The following DLGAP2 variants were observed in gnomAD, a reference collection of about 807,000 sequenced individuals.
The protein encoded by DLGAP2 is disks large-associated protein 2.
DLGAP2 carries 26 observed loss-of-function variants against 100.3 expected under a neutral mutation model. That is an observed-to-expected ratio of 0.26 (90% CI 0.19 to 0.36). The LOEUF (loss-of-function observed/expected upper bound fraction) is 0.36. DLGAP2 is among the 10% of genes least tolerant of loss of function. The probability of loss-of-function intolerance (pLI) is 1.00; values close to 1 mark genes in which losing one functional copy is unlikely to be tolerated. For missense variants in DLGAP2, 1,858 were observed against 1,453.2 expected, an observed-to-expected ratio of 1.28 and a Z score of -4.53; for synonymous variants, 886 against 630.1, an observed-to-expected ratio of 1.41 and a Z score of -6.08.
At chr8:1,010,278 T>C (rs1188648419) in intron 2 of DLGAP2, among the ~76,000 whole-genome samples, 1 of 137,988 alleles carries the variant, frequency 7.2e-6, no homozygotes, top group Non-Finnish European at 1.5e-5. Flanking sequence ...ACACACATTC[T>C]CACATATGTG....
intron 2 of DLGAP2, among the ~76,000 whole-genome samples, chr8:1,233,615 A>T (rs1798582411): frequency 6.6e-6 from 1 of 151,362 alleles, no homozygotes; most frequent in Non-Finnish European, 1.5e-5. Context: ...GGAGCTGCCC[A>T]GCTCTGGGTC....
At chr8:1,093,281 C>T (rs936053790) in intron 2 of DLGAP2, among the ~76,000 whole-genome samples, 4 of 149,980 alleles carry the variant, frequency 2.7e-5, no homozygotes, top group Admixed American at 2.0e-4. Context: ...ACACCCACAG[C>T]CAGAAACACC....
At chr8:765,356 A>G (rs574528183) in intron 1 of DLGAP2, among the ~76,000 whole-genome samples, 1 of 152,220 alleles carries the variant, frequency 6.6e-6, no homozygotes, top group African/African-American at 2.4e-5. Flanking sequence ...TAGTTTTTTA[A>G]TAATATCCTT....
chr8:737,674 C>T lies in DLGAP2; in HGVS notation c.-134C>T. 1 of 362,886 alleles carries T rather than the reference C, an allele frequency of 2.8e-6. No homozygotes were observed. The allele number at this position is 362,886 out of a possible 1,614,324, so 22.5% of individuals were successfully genotyped here. A position where few individuals can be genotyped will look rare whatever the true frequency, so the allele number is the denominator to read the frequency against. ...CGAGCGCGGTCTGAGCGCGCGGCGCCTGCGGCGGCGAACGGACGGACGGAC... is the reference window on the plus strand; with the variant it reads ...CGAGCGCGGTCTGAGCGCGCGGCGCTTGCGGCGGCGAACGGACGGACGGAC... On this transcript the variant is annotated 5_prime_UTR_variant, in exon 1 of 15. Transcript: ENST00000637795.
chr8:1,553,621 C>T (rs1252764311), intron 5 of DLGAP2, among the ~76,000 whole-genome samples: 1 of 152,198 alleles, frequency 6.6e-6, no homozygotes, highest in Admixed American at 6.5e-5. Flanking sequence ...CTGAGCATTC[C>T]CTCCCTGCGT....
At chr8:876,583 C>T (rs1364017417) in intron 1 of DLGAP2, among the ~76,000 whole-genome samples, 3 of 152,150 alleles carry the variant, frequency 2.0e-5, no homozygotes, top group South Asian at 2.1e-4. Context: ...CTTTGACTTT[C>T]AGTATTTGTA....
rs557382656 is a variant in DLGAP2 at position 1,067,043 on chromosome 8, G to T, written c.73+159077G>T. On this transcript the variant is annotated intron_variant, in intron 2 of 14. Transcript: ENST00000637795. ...GTGGTGTTTGGTTTGCTGCAGAGAG[G>T]GGTTGGTCTCCTTCCCTCCTTCAGG... Among the ~76,000 whole-genome samples the T allele has an allele frequency of 7.9e-5, 12 of 152,258 alleles. No homozygotes were observed. The South Asian group carries it at 2.5e-3, about 32-fold the overall frequency.
intron 2 of DLGAP2, among the ~76,000 whole-genome samples, chr8:1,010,720 C>T (rs938128612): frequency 1.3e-5 from 2 of 152,248 alleles, no homozygotes; most frequent in African/African-American, 4.8e-5. Context: ...CAATTTCCTG[C>T]CGTAATGCTT....
chr8:1,206,687 C>T (rs1221764194), intron 2 of DLGAP2, among the ~76,000 whole-genome samples: 2 of 141,764 alleles, frequency 1.4e-5, no homozygotes, highest in African/African-American at 5.5e-5. Flanking sequence ...TTAATCTCCA[C>T]ACCCTCCTGG....
At chr8:753,973 A>G (rs1190826022) in intron 1 of DLGAP2, 6 of 152,174 alleles carry the variant, frequency 3.9e-5, no homozygotes, top group East Asian at 1.9e-4. Flanking sequence ...GTGCACTTTA[A>G]TTCCCCATTC....
intron 2 of DLGAP2, among the ~76,000 whole-genome samples, chr8:1,100,413 A>C (rs550587582): frequency 6.6e-6 from 1 of 151,960 alleles, no homozygotes; most frequent in South Asian, 2.1e-4. Flanking sequence ...TTTGTCCAGC[A>C]TATCCACAGT....
At chr8:901,934 G>A (rs1019179890) in intron 1 of DLGAP2, among the ~76,000 whole-genome samples, 1 of 152,242 alleles carries the variant, frequency 6.6e-6, no homozygotes, top group Admixed American at 6.5e-5. Flanking sequence ...TCCGGGATGG[G>A]CAGGGAGGAA....
intron 3 of DLGAP2, among the ~76,000 whole-genome samples, chr8:1,482,695 G>C (rs532351067): frequency 6.6e-6 from 1 of 152,292 alleles, no homozygotes; most frequent in South Asian, 2.1e-4. Context: ...GCCCCGGCCA[G>C]CCTCACCTGA....
Position 1,549,556 on chromosome 8 carries a change from G to A in DLGAP2, c.1103G>A (p.Arg368His), listed in dbSNP as rs1423353722. Residue 368 changes from arginine (R) to histidine (H), a missense_variant, in exon 5 of 15, where the codon CGC becomes CAC. Coordinates refer to ENST00000637795, the MANE Select transcript of DLGAP2 (RefSeq NM_001346810.2). ...ACGCCCGACGCCAAGTACCTGAAGC[G>A]CAGCTCCTGGTCTACGCTGACGGTC... ...ALTPDAKYLK[R>H]SSWSTLTVSQ... 6 of 1,613,060 alleles carry A rather than the reference G, an allele frequency of 3.7e-6. No individual in the cohort carries two copies. Among genetic ancestry groups the A allele is most frequent in the Admixed American group, 3.3e-5 (2 of 60,002 alleles).
chr8:859,593 G>C (rs921894126), intron 1 of DLGAP2, among the ~76,000 whole-genome samples: 2 of 152,196 alleles, frequency 1.3e-5, no homozygotes, highest in African/African-American at 2.4e-5. Context: ...CCTGCTGGGG[G>C]AGGCTGGCTA....
At chr8:1,344,343 C>T (rs952396008) in intron 3 of DLGAP2, among the ~76,000 whole-genome samples, 3 of 152,210 alleles carry the variant, frequency 2.0e-5, no homozygotes, top group African/African-American at 7.2e-5. Context: ...GCATTGCCCT[C>T]ACACCTCGCA....
intron 1 of DLGAP2, among the ~76,000 whole-genome samples, chr8:788,837 C>T (rs1301174402): frequency 2.0e-5 from 3 of 152,180 alleles, no homozygotes; most frequent in Non-Finnish European, 2.9e-5. Flanking sequence ...ATCTTTGTGA[C>T]TTTTTCCCAT....
At chr8:907,847 T>G (rs902433037) in intron 1 of DLGAP2, 65 bp from the exon 2 acceptor site, 6 of 398,244 alleles carry the variant, frequency 1.5e-5, no homozygotes, top group African/African-American at 1.2e-4. Flanking sequence ...CTCGCAACAG[T>G]TAATGAGATG....
intron 1 of DLGAP2, among the ~76,000 whole-genome samples, chr8:863,397 A>C (rs1263594941): frequency 2.0e-5 from 3 of 152,224 alleles, no homozygotes; most frequent in African/African-American, 2.4e-5. Context: ...CCTTAGACTC[A>C]CTGTGAAGAA....
Sources: gnomAD v4.1 joint callset for allele counts (sites outside exome capture counted in the v4.1 genomes callset) on GRCh38, gnomAD v4.1.1 for gene constraint, MANE v1.5 for transcripts, NCBI Gene and HGNC (gene_info 2026-07-23, HGNC 2026-07-21) for gene names.